Variants in SGO2 observed in about 807,000 individuals in gnomAD.
The protein encoded by SGO2 is shugoshin-like 2.
Under a neutral mutation model 99.5 loss-of-function variants are expected in SGO2, and 68 were observed. That is an observed-to-expected ratio of 0.68 (90% CI 0.56 to 0.84). The LOEUF is 0.84. Among genes scored for constraint, SGO2 ranks in the 40% least tolerant of loss-of-function variants. SGO2 has a pLI of 0.00. For synonymous variants in SGO2, 457 were observed against 487.1 expected (o/e 0.94, Z 0.81); for missense variants, 1,350 against 1,436.7 (o/e 0.94, Z 0.97).
chr2:200,547,232 T>C (rs1044791130), intron 5 of SGO2, among the ~76,000 whole-genome samples: 2 of 152,114 alleles, frequency 1.3e-5, no homozygotes, highest in East Asian at 1.9e-4. Context: ...TTCAAGGCAC[T>C]CAAACAACAC....
Position 200,556,837 on chromosome 2 carries a change from CAG to C in SGO2, c.474-12822_474-12821del, listed in dbSNP as rs1574858894. ...CTCCTGGCCGAGAGAGAGAGAGAGA[CAG>C]AGACAGAGACAGAGAGACAGAGAGA... is the stretch of plus-strand genomic sequence containing the variant. On this transcript the variant is annotated intron_variant, in intron 5 of 8. Coordinates refer to ENST00000357799, the MANE Select transcript of SGO2 (RefSeq NM_152524.6). Among the ~76,000 whole-genome samples the C allele has an allele frequency of 2.7e-5, 4 of 150,558 alleles. 1 individual carries two copies. The East Asian group carries it at 7.8e-4, about 29-fold the overall frequency.
intron 1 of SGO2, chr2:200,532,273 T>TTTTTTTTG (rs2031432541): frequency 2.0e-5 from 1 of 50,928 alleles, no homozygotes; most frequent in African/African-American, 1.4e-4. Context: ...GAGTTTTTTG[T>TTTTTTTTG]TTTTTTTTTT....
chr2:200,554,102 C>T lies in SGO2; in HGVS notation c.473+11438C>T, dbSNP rs115284403. 5.0e-3 allele frequency among the ~76,000 whole-genome samples: 755 copies of T among 152,234 alleles called. 10 individuals are homozygous for T. Among genetic ancestry groups the T allele is most frequent in the African/African-American group, 0.017 (713 of 41,544 alleles). ...GTACTTATACAAACAACTATATTGCCATCAATTAAGAATATTCACAACTAG... is the reference window on the plus strand; with the variant it reads ...GTACTTATACAAACAACTATATTGCTATCAATTAAGAATATTCACAACTAG... On this transcript the variant is annotated intron_variant, in intron 5 of 8. Transcript: ENST00000357799.
Position 200,542,669 on chromosome 2 carries a change from A to G in SGO2, c.473+5A>G, listed in dbSNP as rs987211379. On this transcript the variant is annotated splice_donor_5th_base_variant and intron_variant, in intron 5 of 8. Coordinates refer to ENST00000357799, the MANE Select transcript of SGO2 (RefSeq NM_152524.6). ...GATGCGTCTTCCATTTGCAAGGTAAATATGGGCTTGAATTACACTAGTTCA... is the reference window on the plus strand; with the variant it reads ...GATGCGTCTTCCATTTGCAAGGTAAGTATGGGCTTGAATTACACTAGTTCA... The G allele has an allele frequency of 3.7e-6, 6 of 1,610,682 alleles. No homozygotes were observed. In the African/African-American group the frequency reaches 6.7e-5, roughly 18 times the overall value.
At position 200,573,013 on chromosome 2, in the gene SGO2, T is replaced by C; in HGVS notation, c.2667T>C (p.Tyr889=). The change falls in exon 7 of 9, where the codon TAT becomes TAC. Residue 889 remains tyrosine (Y), a synonymous_variant. Transcript: ENST00000357799. ...DTQNILELKK[Y]VTDRKSAEQN... is the part of the protein sequence containing the mutation. ...AGAATATATTGGAGTTGAAAAAGTA[T>C]GTTACTGATAGGAAATCTGCTGAGC... 6.4e-7 allele frequency: 1 copy of C among 1,572,942 alleles called. No homozygotes were observed. Among genetic ancestry groups the C allele is most frequent in the Non-Finnish European group, 8.6e-7 (1 of 1,165,886 alleles).
chr2:200,580,869 T>C lies in SGO2; in HGVS notation c.3783-2580T>C, dbSNP rs564755585. 3.9e-5 allele frequency among the ~76,000 whole-genome samples: 6 copies of C among 152,264 alleles called. No homozygotes were observed. In the South Asian group the frequency reaches 1.2e-3, roughly 32 times the overall value. On this transcript the variant is annotated intron_variant, in intron 8 of 8. Coordinates refer to ENST00000357799, the MANE Select transcript of SGO2 (RefSeq NM_152524.6). ...AAATAGAACACACACAAAAAAATTT[T>C]TTTTTAAAGTGTCTTTTGCAATCAA...
At chr2:200,557,012 G>C (rs918941238) in intron 5 of SGO2, among the ~76,000 whole-genome samples, 1 of 152,182 alleles carries the variant, frequency 6.6e-6, no homozygotes, top group Non-Finnish European at 1.5e-5. Flanking sequence ...CAGCAGTCCT[G>C]TCAGCTCTCA....
chr2:200,572,410 G>A lies in SGO2; in HGVS notation c.2064G>A (p.Val688=), dbSNP rs1236278370. ...ENQCDYRTQN[V]LGLQKQITNM... The stretch of plus-strand genomic sequence containing the variant: ...AATGTGACTATAGGACCCAGAATGT[G>A]TTGGGTTTGCAAAAGCAGATCACCA... The change falls in exon 7 of 9, where the codon GTG becomes GTA. Residue 688 remains valine, a synonymous_variant. Transcript: ENST00000357799. The A allele has an allele frequency of 1.9e-6, 3 of 1,613,494 alleles. No individual in the cohort carries two copies. Among genetic ancestry groups the A allele is most frequent in the South Asian group, 2.2e-5 (2 of 91,054 alleles).
chr2:200,532,622 T>C (rs17636455), intron 1 of SGO2, among the ~76,000 whole-genome samples: 33,240 of 152,006 alleles, frequency 0.22, 3,853 homozygotes, highest in Middle Eastern at 0.3. Flanking sequence ...TCCTTTAAAC[T>C]CTGTGTATAT....
At chr2:200,534,710 C>G (rs983176444) in intron 2 of SGO2, among the ~76,000 whole-genome samples, 1 of 152,178 alleles carries the variant, frequency 6.6e-6, no homozygotes, top group African/African-American at 2.4e-5. Flanking sequence ...TGTGACTGAT[C>G]TAATTATGTA....
intron 1 of SGO2, chr2:200,532,410 AT>A: frequency 2.0e-6 from 2 of 982,198 alleles, no homozygotes; most frequent in African/African-American, 3.6e-5. Context: ...GCTATTTCTG[AT>A]CCTTTTCCTC....
In SGO2 at chr2:200,549,400, C is replaced by T. The variant is rs183716140; in HGVS notation, c.473+6736C>T. Among the ~76,000 whole-genome samples the T allele has an allele frequency of 2.0e-3, 300 of 152,276 alleles. 3 individuals carry two copies. The highest frequency in any genetic ancestry group is 4.6e-4 in the Non-Finnish European group (31 of 68,016). On this transcript the variant is annotated intron_variant, in intron 5 of 8. Coordinates refer to ENST00000357799, the MANE Select transcript of SGO2 (RefSeq NM_152524.6). ...AGGAGGGAATACTTCCAAACTCACT[C>T]TACAAGGCCAGCATTACCCTAATAC...
rs879503936 is a variant in SGO2, at chr2:200,549,867, G to A, written c.473+7203G>A. On this transcript the variant is annotated intron_variant, in intron 5 of 8. Transcript: ENST00000357799. ...ATTCAACATAATACTTGAAGTACTG[G>A]CCAGAGCAACTAAGCAAGAAAACAA... is the stretch of plus-strand genomic sequence containing the variant. 1.3e-5 allele frequency among the ~76,000 whole-genome samples: 2 copies of A among 152,114 alleles called. 1 individual carries two copies. The highest frequency in any genetic ancestry group is 2.9e-5 in the Non-Finnish European group (2 of 68,014).
At chr2:200,549,699 A>G (rs1251065399) in intron 5 of SGO2, among the ~76,000 whole-genome samples, 1 of 152,244 alleles carries the variant, frequency 6.6e-6, no homozygotes, top group Non-Finnish European at 1.5e-5. Flanking sequence ...GTAAAATTCA[A>G]CATCCCTTTT....
In SGO2 at chr2:200,572,609, C is replaced by T. The variant is rs2033479883; in HGVS notation, c.2263C>T (p.Pro755Ser). The T allele has an allele frequency of 1.2e-6, 2 of 1,613,038 alleles. No individual in the cohort carries two copies. The highest frequency in any genetic ancestry group is 1.7e-5 in the Admixed American group (1 of 59,922). ...FLTQKDKEII[P>S]GNLEDPSEFE... is the part of the protein sequence containing the mutation. The stretch of plus-strand genomic sequence containing the variant: ...AACGCAAAAAGATAAGGAAATCATC[C>T]CTGGAAACCTAGAAGACCCAAGTGA... Residue 755 changes from proline (P) to serine (S), a missense_variant, in exon 7 of 9, where the codon CCT becomes TCT. Coordinates refer to ENST00000357799, the MANE Select transcript of SGO2 (RefSeq NM_152524.6).
intron 5 of SGO2, among the ~76,000 whole-genome samples, chr2:200,546,075 G>A (rs1190542506): frequency 6.6e-6 from 1 of 151,958 alleles, no homozygotes; most frequent in Non-Finnish European, 1.5e-5. Context: ...CCCCCATTTT[G>A]GGACAGGCAG....
chr2:200,531,223 T>C (rs900935831), intron 1 of SGO2, among the ~76,000 whole-genome samples: 3 of 152,142 alleles, frequency 2.0e-5, no homozygotes, highest in African/African-American at 7.2e-5. Flanking sequence ...ATGTAGGTAA[T>C]TGCAATGGAA....
In SGO2 at chr2:200,570,045, A is replaced by AT; in HGVS notation, c.703+156dup. ...TGCCATTTAAAACTGCTGGTGATAG[A>AT]TTTAATTTTAAAGTAAATATGCTGA... On this transcript the variant is annotated intron_variant, in intron 6 of 8. Transcript: ENST00000357799. The surrounding 1 kb of genome is among the most constrained non-coding windows in gnomAD (Gnocchi z 4.4). 1.7e-6 allele frequency: 1 copy of AT among 576,340 alleles called. No individual in the cohort carries two copies. The highest frequency in any genetic ancestry group is 3.1e-6 in the Non-Finnish European group (1 of 327,510). 35.7% of individuals were successfully genotyped at this position (576,340 alleles called of 1,614,324 possible). A position where few individuals can be genotyped will look rare whatever the true frequency, so the allele number is the denominator to read the frequency against.
intron 5 of SGO2, among the ~76,000 whole-genome samples, chr2:200,559,814 A>G (rs1435718071): frequency 1.3e-5 from 2 of 152,144 alleles, no homozygotes; most frequent in South Asian, 2.1e-4. Context: ...ACTTACAAGT[A>G]TATTGTTTAA....
Sources: allele counts gnomAD v4.1 joint callset (sites outside exome capture counted in the v4.1 genomes callset), GRCh38; gene constraint gnomAD v4.1.1; non-coding constraint Gnocchi (gnomAD v3.1); transcripts MANE v1.5; gene names NCBI Gene and HGNC (gene_info 2026-07-23, HGNC 2026-07-21).